Variants in MAGI3 observed in about 807,000 individuals in gnomAD.
MAGI3 encodes the protein membrane associated guanylate kinase, WW and PDZ domain containing 3.
Under a neutral mutation model 121.8 loss-of-function variants are expected in MAGI3, and 43 were observed. The ratio of observed to expected loss-of-function variants is 0.35; its 90% confidence interval spans 0.28 to 0.46. The LOEUF is 0.46. MAGI3 is among the 20% of genes least tolerant of loss of function. The pLI is 1.00. For synonymous variants in MAGI3, 553 were observed against 639.3 expected (o/e 0.86, Z 2.04); for missense variants, 1,547 against 1,797.3 (o/e 0.86, Z 2.52).
intron 16 of MAGI3, 87 bp downstream of exon 16, chr1:113,659,352 G>C (rs1468342343): frequency 1.6e-6 from 2 of 1,285,758 alleles, no homozygotes; most frequent in Non-Finnish European, 2.2e-6. Context: ...AGCACTGCCA[G>C]AATCACTGCG....
chr1:113,461,668 G>T (rs1464707070), intron 1 of MAGI3, among the ~76,000 whole-genome samples: 2 of 152,150 alleles, frequency 1.3e-5, no homozygotes, highest in Non-Finnish European at 2.9e-5. Flanking sequence ...AACCGGCAAA[G>T]ATTTTATGAC....
chr1:113,475,362 T>C (rs1655762299), intron 1 of MAGI3, among the ~76,000 whole-genome samples: 1 of 152,170 alleles, frequency 6.6e-6, no homozygotes, highest in Admixed American at 6.5e-5. Flanking sequence ...CAGTATGATA[T>C]TGGTTGTGGG....
At chr1:113,577,251 T>G (rs1350042715) in intron 2 of MAGI3, among the ~76,000 whole-genome samples, 1 of 152,204 alleles carries the variant, frequency 6.6e-6, no homozygotes, top group Non-Finnish European at 1.5e-5. Context: ...ATGTCAAATG[T>G]TATTCATAGG....
intron 9 of MAGI3, 86 bp downstream of exon 9, chr1:113,623,080 G>T: frequency 1.2e-6 from 1 of 814,782 alleles, no homozygotes; most frequent in Non-Finnish European, 1.7e-6. Context: ...TAAAGAGAGA[G>T]AAATAATTAA....
intron 16 of MAGI3, among the ~76,000 whole-genome samples, chr1:113,667,798 A>G (rs1647258447): frequency 6.6e-6 from 1 of 152,206 alleles, no homozygotes; most frequent in African/African-American, 2.4e-5. Context: ...ACTTGAATAC[A>G]TAGAGGTCAT....
intron 1 of MAGI3, among the ~76,000 whole-genome samples, chr1:113,509,871 C>T (rs1001264434): frequency 3.4e-5 from 5 of 147,922 alleles, no homozygotes; most frequent in Non-Finnish European, 7.4e-5. Context: ...TTCCGAGCCA[C>T]GAGCCTGGCC....
intron 1 of MAGI3, among the ~76,000 whole-genome samples, chr1:113,446,898 C>T (rs1429903061): frequency 6.6e-6 from 1 of 152,136 alleles, no homozygotes; most frequent in African/African-American, 2.4e-5. Flanking sequence ...ATAAGTCTGT[C>T]ACAGAAAGAC....
rs531920687 is a variant in MAGI3, at chr1:113,536,075, C to T, written c.317-13440C>T. ...CACCAACTATTATGGCTTCTACCCA[C>T]AATCCCATGTATAGCCAAATACAAG... On this transcript the variant is annotated intron_variant, in intron 1 of 20. Transcript: ENST00000307546. Among the ~76,000 whole-genome samples the T allele has an allele frequency of 5.9e-4, 90 of 151,978 alleles. No individual in the cohort carries two copies. In the South Asian group the frequency reaches 9.0e-3, roughly 15 times the overall value.
At chr1:113,423,034 C>T (rs75452307) in intron 1 of MAGI3, among the ~76,000 whole-genome samples, 3,563 of 152,122 alleles carry the variant, frequency 0.023, 132 homozygotes, top group African/African-American at 0.081. Context: ...CTTGGTGAGC[C>T]GACCAAGAAT....
At chr1:113,509,053 G>T (rs553179451) in intron 1 of MAGI3, among the ~76,000 whole-genome samples, 4 of 152,212 alleles carry the variant, frequency 2.6e-5, no homozygotes, top group African/African-American at 9.6e-5. Flanking sequence ...GAGGATCTTT[G>T]TGGAGAATTT....
chr1:113,408,907 GATA>G (rs1427813981), intron 1 of MAGI3, among the ~76,000 whole-genome samples: 6 of 151,794 alleles, frequency 4.0e-5, no homozygotes, highest in Admixed American at 3.9e-4. Flanking sequence ...TCACCCCCAG[GATA>G]CCTAAATAGT....
chr1:113,487,904 G>A (rs181672941), intron 1 of MAGI3, among the ~76,000 whole-genome samples: 18 of 152,042 alleles, frequency 1.2e-4, no homozygotes, highest in Admixed American at 2.0e-4. Context: ...AGTAGTTGTG[G>A]CATGATTTAC....
Position 113,614,676 on chromosome 1 carries a change from G to A in MAGI3, c.1076+18G>A. ...TATGTTGAGTAAGTTTGTTACCTCAGTTAATATTCTCCCAAATATTTTCCT... is the reference window on the plus strand; with the variant it reads ...TATGTTGAGTAAGTTTGTTACCTCAATTAATATTCTCCCAAATATTTTCCT... On this transcript the variant is annotated intron_variant, in intron 7 of 20. Transcript: ENST00000307546. The A allele has an allele frequency of 1.9e-6, 3 of 1,559,268 alleles. No individual in the cohort carries two copies. Among genetic ancestry groups the A allele is most frequent in the Admixed American group, 1.8e-5 (1 of 56,674 alleles).
At chr1:113,459,951 G>A (rs145678373) in intron 1 of MAGI3, among the ~76,000 whole-genome samples, 35 of 152,226 alleles carry the variant, frequency 2.3e-4, no homozygotes, top group African/African-American at 7.9e-4. Context: ...ACCAAAACCT[G>A]GCAGAGACAC....
intron 2 of MAGI3, among the ~76,000 whole-genome samples, chr1:113,564,137 TTAG>T (rs1323787634): frequency 6.6e-6 from 1 of 152,218 alleles, no homozygotes; most frequent in Non-Finnish European, 1.5e-5. Context: ...TGATACAGAA[TTAG>T]TACTAGTAGC....
At chr1:113,572,576 T>A (rs991139167) in intron 2 of MAGI3, among the ~76,000 whole-genome samples, 2 of 152,184 alleles carry the variant, frequency 1.3e-5, no homozygotes, top group East Asian at 3.9e-4. Flanking sequence ...TCAGAACTTG[T>A]TACTGGTCTA....
At chr1:113,490,270 A>C (rs1040964832) in intron 1 of MAGI3, among the ~76,000 whole-genome samples, 2 of 152,234 alleles carry the variant, frequency 1.3e-5, no homozygotes, top group Non-Finnish European at 2.9e-5. Flanking sequence ...CCAGAATTTC[A>C]TATACAGCCA....
At chr1:113,415,412 CAG>C (rs376609220) in intron 1 of MAGI3, among the ~76,000 whole-genome samples, 46 of 152,148 alleles carry the variant, frequency 3.0e-4, no homozygotes, top group African/African-American at 1.1e-3. Flanking sequence ...TGGCTATTTT[CAG>C]AGGTTTGTGT....
intron 3 of MAGI3, among the ~76,000 whole-genome samples, chr1:113,584,896 T>G (rs1367560106): frequency 6.6e-6 from 1 of 152,040 alleles, no homozygotes; most frequent in Non-Finnish European, 1.5e-5. Flanking sequence ...TTCCCCTATT[T>G]CTGCTCTCTC....
Sources: allele counts gnomAD v4.1 joint callset (sites outside exome capture counted in the v4.1 genomes callset), GRCh38; gene constraint gnomAD v4.1.1; transcripts MANE v1.5; gene names NCBI Gene and HGNC (gene_info 2026-07-23, HGNC 2026-07-21).